Variants in ARHGAP15 observed in about 807,000 individuals in gnomAD.
ARHGAP15 encodes the protein Rho GTPase activating protein 15.
Under a neutral mutation model 63.7 loss-of-function variants are expected in ARHGAP15, and 51 were observed. The ratio of observed to expected loss-of-function variants is 0.80; its 90% CI spans 0.64 to 1.01. The LOEUF is 1.01. ARHGAP15 is among the 50% of genes least tolerant of loss of function. ARHGAP15 has a pLI of 0.00. For missense variants in ARHGAP15, 560 were observed against 564.6 expected (o/e 0.99, Z 0.08); for synonymous variants, 191 against 193.8 (o/e 0.99, Z 0.12).
intron 10 of ARHGAP15, among the ~76,000 whole-genome samples, chr2:143,522,502 G>C (rs1041904133): frequency 2.6e-5 from 4 of 152,066 alleles, no homozygotes; most frequent in African/African-American, 9.7e-5. Context: ...ACACGGTTCT[G>C]CTAATTCTTA....
chr2:143,351,823 A>T (rs1685587326), intron 6 of ARHGAP15, among the ~76,000 whole-genome samples: 1 of 152,172 alleles, frequency 6.6e-6, no homozygotes, highest in Non-Finnish European at 1.5e-5. Context: ...ATGGCATGGA[A>T]TTAGGAATAT....
chr2:143,362,593 T>G (rs1686109960), intron 6 of ARHGAP15, among the ~76,000 whole-genome samples: 1 of 152,246 alleles, frequency 6.6e-6, no homozygotes, highest in Non-Finnish European at 1.5e-5. Flanking sequence ...TCCAACTGTT[T>G]CTTTGATGTC....
intron 12 of ARHGAP15, among the ~76,000 whole-genome samples, chr2:143,689,437 TTC>T (rs1298843605): frequency 6.6e-6 from 1 of 152,170 alleles, no homozygotes; most frequent in East Asian, 1.9e-4. Context: ...ATGAGCATTG[TTC>T]TCTGAGTTCT....
At chr2:143,217,944 G>A (rs1342127274) in intron 4 of ARHGAP15, among the ~76,000 whole-genome samples, 3 of 152,128 alleles carry the variant, frequency 2.0e-5, no homozygotes, top group Non-Finnish European at 4.4e-5. Flanking sequence ...TTTCAAGAAA[G>A]CAGAAGGAGG....
chr2:143,318,534 T>C (rs950672929), intron 6 of ARHGAP15, among the ~76,000 whole-genome samples: 2 of 127,652 alleles, frequency 1.6e-5, no homozygotes, highest in Non-Finnish European at 3.3e-5. Flanking sequence ...TTTTTTTTTT[T>C]TCGAACAGTC....
Position 143,227,452 on chromosome 2 carries a change from A to T in ARHGAP15, c.297-1129A>T, listed in dbSNP as rs542471878. Reference sequence around the variant, plus strand: ...TCTACCATCTCGAGGCTCATTTCTTAATGGAGGATAGAGGTGAAATTTATG... The same window carrying T: ...TCTACCATCTCGAGGCTCATTTCTTTATGGAGGATAGAGGTGAAATTTATG... On this transcript the variant is annotated intron_variant, in intron 4 of 13. Coordinates refer to ENST00000295095, the MANE Select transcript of ARHGAP15 (RefSeq NM_018460.4). 3.1e-4 allele frequency among the ~76,000 whole-genome samples: 47 copies of T among 152,232 alleles called. No individual in the cohort carries two copies. The South Asian group carries it at 9.1e-3, about 30-fold the overall frequency.
intron 10 of ARHGAP15, among the ~76,000 whole-genome samples, chr2:143,537,658 T>C (rs527697478): frequency 3.9e-5 from 6 of 152,372 alleles, no homozygotes; most frequent in African/African-American, 1.2e-4. Flanking sequence ...TTGCTTGTTT[T>C]TGTCAGGTTT....
intron 9 of ARHGAP15, among the ~76,000 whole-genome samples, chr2:143,505,695 C>T (rs1693279753): frequency 6.6e-6 from 1 of 152,160 alleles, no homozygotes; most frequent in Non-Finnish European, 1.5e-5. Flanking sequence ...ACTAGCCAGC[C>T]CTTCTGCAGA....
chr2:143,402,442 G>A (rs969276924), intron 6 of ARHGAP15, among the ~76,000 whole-genome samples: 4 of 151,250 alleles, frequency 2.6e-5, no homozygotes, highest in African/African-American at 7.3e-5. Context: ...TTCTGAGTTC[G>A]CAAAAGGAAA....
chr2:143,682,521 T>A (rs1288041615), intron 12 of ARHGAP15, among the ~76,000 whole-genome samples: 1 of 152,144 alleles, frequency 6.6e-6, no homozygotes, highest in Non-Finnish European at 1.5e-5. Context: ...TGCATGTGTA[T>A]ACACACACAT....
chr2:143,719,135 G>A (rs897556205), intron 13 of ARHGAP15, among the ~76,000 whole-genome samples: 1 of 152,172 alleles, frequency 6.6e-6, no homozygotes, highest in African/African-American at 2.4e-5. Context: ...TGGTTCTCTG[G>A]CACTGAAAAC....
chr2:143,250,611 T>C lies in ARHGAP15; in HGVS notation c.474+11T>C. 1 of 1,602,518 alleles carries C rather than the reference T, an allele frequency of 6.2e-7. No homozygotes were observed. ...AAGAATGTCTTTCAGGTAAGAATGT[T>C]ACATATATTCAATTTATTCCTATTC... On this transcript the variant is annotated intron_variant, in intron 6 of 13. Coordinates refer to ENST00000295095, the MANE Select transcript of ARHGAP15 (RefSeq NM_018460.4).
intron 13 of ARHGAP15, among the ~76,000 whole-genome samples, chr2:143,725,924 TACAAACAG>T (rs1685253190): frequency 6.6e-6 from 1 of 152,220 alleles, no homozygotes; most frequent in African/African-American, 2.4e-5. Context: ...TGAATATCTA[TACAAACAG>T]CTATATGGCT....
intron 11 of ARHGAP15, among the ~76,000 whole-genome samples, chr2:143,594,988 A>G (rs1697456500): frequency 6.6e-6 from 1 of 152,176 alleles, no homozygotes; most frequent in African/African-American, 2.4e-5. Context: ...CAAGCAAATG[A>G]TGGAGTGTCA....
At chr2:143,667,189 G>C (rs1236189860) in intron 12 of ARHGAP15, among the ~76,000 whole-genome samples, 11 of 149,136 alleles carry the variant, frequency 7.4e-5, no homozygotes, top group Admixed American at 3.3e-4. Context: ...AACAATGATA[G>C]ACTGGATTAA....
rs539132652 is a variant in ARHGAP15 at position 143,703,405 on chromosome 2, A to AT, written c.1139-5dup. 1,246 of 1,552,480 alleles carry AT rather than the reference A, an allele frequency of 8.0e-4. No individual in the cohort carries two copies. Among genetic ancestry groups the AT allele is most frequent in the African/African-American group, 2.2e-3 (162 of 72,316 alleles). On this transcript the variant is annotated splice_polypyrimidine_tract_variant and intron_variant, in intron 12 of 13. Coordinates refer to ENST00000295095, the MANE Select transcript of ARHGAP15 (RefSeq NM_018460.4). ...TGTTTTTTCCCTAACCTTCCTTTTT[A>AT]TTTTTTTTTCCAGAAAAGCAAGACA... is the stretch of plus-strand genomic sequence containing the variant.
intron 8 of ARHGAP15, among the ~76,000 whole-genome samples, chr2:143,465,260 GA>G (rs1289856894): frequency 6.6e-6 from 1 of 152,144 alleles, no homozygotes; most frequent in Non-Finnish European, 1.5e-5. Context: ...GGACAAGAAG[GA>G]AAAGAGGAAT....
At chr2:143,213,917 A>G (rs1321523322) in intron 3 of ARHGAP15, among the ~76,000 whole-genome samples, 2 of 152,240 alleles carry the variant, frequency 1.3e-5, no homozygotes, top group Non-Finnish European at 2.9e-5. Context: ...CTTGGCATCA[A>G]TCTCAAGTAT....
At chr2:143,256,717 G>C (rs966099828) in intron 6 of ARHGAP15, among the ~76,000 whole-genome samples, 6 of 151,966 alleles carry the variant, frequency 3.9e-5, no homozygotes, top group African/African-American at 1.5e-4. Context: ...CTTCACTTTT[G>C]TTGATGCGGT....
Sources: allele counts gnomAD v4.1 joint callset (sites outside exome capture counted in the v4.1 genomes callset), GRCh38; gene constraint gnomAD v4.1.1; transcripts MANE v1.5; gene names NCBI Gene and HGNC (gene_info 2026-07-23, HGNC 2026-07-21).